The following NCKAP5 variants were observed in gnomAD, a reference collection of about 807,000 sequenced individuals.
NCKAP5 encodes the protein nck-associated protein 5.
In NCKAP5, 92 loss-of-function variants were observed where a neutral mutation model predicts 167.0. That is an observed-to-expected ratio of 0.55 (90% CI 0.47 to 0.66). The LOEUF (loss-of-function observed/expected upper bound fraction) is 0.66, where lower values mean the gene tolerates loss of function less well. NCKAP5 is among the 30% of genes least tolerant of loss of function. The probability of loss-of-function intolerance (pLI) is 0.00; values close to 1 mark genes in which losing one functional copy is unlikely to be tolerated. For missense variants in NCKAP5, 2,378 were observed against 2,315.0 expected, an observed-to-expected ratio of 1.03 and a Z score of -0.56; for synonymous variants, 891 against 877.4, an observed-to-expected ratio of 1.02 and a Z score of -0.27.
At chr2:133,440,500 G>T (rs1459598278) in intron 3 of NCKAP5, among the ~76,000 whole-genome samples, 2 of 151,974 alleles carry the variant, frequency 1.3e-5, no homozygotes, top group African/African-American at 4.8e-5. Flanking sequence ...CACAGGGTCA[G>T]GAGATCGAGA....
At chr2:133,172,493 C>G (rs905251001) in intron 5 of NCKAP5, among the ~76,000 whole-genome samples, 3 of 152,220 alleles carry the variant, frequency 2.0e-5, no homozygotes, top group African/African-American at 7.2e-5. Context: ...TTTTTTGAGA[C>G]TGAGTTTCAC....
intron 6 of NCKAP5, among the ~76,000 whole-genome samples, chr2:133,043,936 A>G (rs1364544745): frequency 6.6e-6 from 1 of 151,734 alleles, no homozygotes; most frequent in South Asian, 2.1e-4. Context: ...CAGTATGCTT[A>G]AAATAATAAA....
At chr2:133,370,877 A>G (rs1685765640) in intron 3 of NCKAP5, among the ~76,000 whole-genome samples, 1 of 152,096 alleles carries the variant, frequency 6.6e-6, no homozygotes, top group Admixed American at 6.6e-5. Context: ...GTTATGGGAT[A>G]TGACAAAGGG....
intron 6 of NCKAP5, among the ~76,000 whole-genome samples, chr2:133,060,670 C>T (rs1306406776): frequency 6.6e-6 from 1 of 152,100 alleles, no homozygotes; most frequent in East Asian, 1.9e-4. Context: ...GGCCAATTTT[C>T]CTTTCTTATG....
chr2:132,806,615 T>C (rs1246555374), intron 11 of NCKAP5, among the ~76,000 whole-genome samples: 2 of 152,106 alleles, frequency 1.3e-5, no homozygotes, highest in Non-Finnish European at 2.9e-5. Flanking sequence ...TTTGATGGGA[T>C]TGTTTGTTTT....
intron 2 of NCKAP5, among the ~76,000 whole-genome samples, chr2:133,529,581 G>C (rs1043018700): frequency 2.6e-5 from 4 of 152,164 alleles, no homozygotes; most frequent in Non-Finnish European, 5.9e-5. Flanking sequence ...ATAAAGCATA[G>C]ATCTCAAAAG....
intron 5 of NCKAP5, among the ~76,000 whole-genome samples, chr2:133,213,339 T>C (rs539762477): frequency 6.6e-6 from 1 of 152,212 alleles, no homozygotes; most frequent in Non-Finnish European, 1.5e-5. Context: ...TGGTGTTCTT[T>C]TTTCAGAACA....
chr2:133,672,592 G>A, the NCKAP5 span, among the ~76,000 whole-genome samples: 1 of 152,138 alleles, frequency 6.6e-6, no homozygotes, highest in East Asian at 1.9e-4. Context: ...TTCCTTTAAA[G>A]AACCCAATAG....
rs527835390 is a variant in NCKAP5, at chr2:133,453,711, C to T, written c.69+63747G>A. On this transcript the variant is annotated intron_variant, in intron 3 of 19. Transcript: ENST00000409261. ...TGAAAGGTTATATATCCAACGTGCT[C>T]TCTAATGAATGGAAGGAAGAAACAA... is the stretch of plus-strand genomic sequence containing the variant. Among the ~76,000 whole-genome samples, 7 of 152,062 alleles carry T rather than the reference C, an allele frequency of 4.6e-5. No homozygotes were observed. In the South Asian group the frequency reaches 6.2e-4, roughly 14 times the overall value.
chr2:132,822,472 C>A (rs1052333798), intron 11 of NCKAP5, among the ~76,000 whole-genome samples: 1 of 152,178 alleles, frequency 6.6e-6, no homozygotes, highest in Admixed American at 6.5e-5. Flanking sequence ...TCACTGCAGT[C>A]CAGCTCTCAG....
At chr2:132,943,405 T>G (rs1181536830) in intron 8 of NCKAP5, among the ~76,000 whole-genome samples, 1 of 152,254 alleles carries the variant, frequency 6.6e-6, no homozygotes, top group Non-Finnish European at 1.5e-5. Context: ...TGTGCCAATG[T>G]TAGCTGCAAG....
intron 2 of NCKAP5, among the ~76,000 whole-genome samples, chr2:133,535,988 G>A (rs1321691841): frequency 1.3e-5 from 2 of 151,998 alleles, no homozygotes; most frequent in Non-Finnish European, 2.9e-5. Context: ...TAATGCAGTT[G>A]TTTTCTTCTT....
chr2:133,114,929 A>G (rs1397122888), intron 6 of NCKAP5, among the ~76,000 whole-genome samples: 1 of 152,176 alleles, frequency 6.6e-6, no homozygotes, highest in Non-Finnish European at 1.5e-5. Context: ...ACTATTTCTG[A>G]TGCACTATTT....
chr2:133,427,112 C>T (rs1027003768), intron 3 of NCKAP5, among the ~76,000 whole-genome samples: 9 of 152,044 alleles, frequency 5.9e-5, no homozygotes, highest in African/African-American at 2.2e-4. Context: ...AACACAAAAG[C>T]AACAAAGAAT....
At chr2:133,672,074 G>A in the NCKAP5 span, among the ~76,000 whole-genome samples, 4 of 152,196 alleles carry the variant, frequency 2.6e-5, no homozygotes, top group African/African-American at 7.2e-5. Context: ...GATGAAAGAT[G>A]AGGAAAGATT....
intron 6 of NCKAP5, among the ~76,000 whole-genome samples, chr2:133,043,566 C>A (rs2079287735): frequency 6.6e-6 from 1 of 152,088 alleles, no homozygotes; most frequent in Non-Finnish European, 1.5e-5. Flanking sequence ...AGAAAGCTTA[C>A]AAATTTGTAC....
chr2:133,032,886 G>C (rs960776670), intron 6 of NCKAP5, among the ~76,000 whole-genome samples: 2 of 152,152 alleles, frequency 1.3e-5, no homozygotes, highest in Admixed American at 1.3e-4. Context: ...GGGAGAGACA[G>C]AGCAAGCGAA....
intron 3 of NCKAP5, among the ~76,000 whole-genome samples, chr2:133,395,988 T>C (rs1426580932): frequency 6.6e-6 from 1 of 152,134 alleles, no homozygotes; most frequent in Admixed American, 6.6e-5. Context: ...TTTCTTTCTC[T>C]CACCATCTCC....
At chr2:133,065,689 G>T (rs979200882) in intron 6 of NCKAP5, among the ~76,000 whole-genome samples, 16 of 152,126 alleles carry the variant, frequency 1.1e-4, no homozygotes, top group African/African-American at 3.9e-4. Context: ...GTGATTCAGA[G>T]AAAGGGTGGC....
Sources: allele counts gnomAD v4.1 joint callset (sites outside exome capture counted in the v4.1 genomes callset), GRCh38; gene constraint gnomAD v4.1.1; transcripts MANE v1.5; gene names NCBI Gene and HGNC (gene_info 2026-07-23, HGNC 2026-07-21).